The following RASEF variants were observed in gnomAD, a reference collection of about 807,000 sequenced individuals.
The protein encoded by RASEF is RAS and EF-hand domain containing.
In RASEF, 68 loss-of-function variants were observed where a neutral mutation model predicts 90.1. The ratio of observed to expected loss-of-function variants is 0.75; its 90% CI spans 0.62 to 0.92. RASEF has a LOEUF of 0.92. Among genes scored for constraint, RASEF ranks in the 40% least tolerant of loss-of-function variants. The pLI is 0.00. For synonymous variants in RASEF, 331 were observed against 345.2 expected, an observed-to-expected ratio of 0.96 and a Z score of 0.46; for missense variants, 949 against 937.2, an observed-to-expected ratio of 1.01 and a Z score of -0.16.
At chr9:83,216,792 A>G in the RASEF span, among the ~76,000 whole-genome samples, 1 of 152,176 alleles carries the variant, frequency 6.6e-6, no homozygotes, top group East Asian at 2.0e-4. Flanking sequence ...GGATAAATAT[A>G]CCCTTTCCAA....
chr9:83,048,250 A>G (rs1255180972), intron 1 of RASEF: 1 of 985,222 alleles, frequency 1.0e-6, no homozygotes, highest in Non-Finnish European at 1.2e-6. Context: ...ACTACAAAAG[A>G]AAGTTTTGGC....
At chr9:83,080,960 A>G in the RASEF span, among the ~76,000 whole-genome samples, 1 of 152,298 alleles carries the variant, frequency 6.6e-6, no homozygotes, top group South Asian at 2.1e-4. Flanking sequence ...CAATAAATAA[A>G]GCATATTCTT....
At chr9:83,057,289 C>G (rs1287522533) in intron 1 of RASEF, among the ~76,000 whole-genome samples, 1 of 152,146 alleles carries the variant, frequency 6.6e-6, no homozygotes, top group African/African-American at 2.4e-5. Flanking sequence ...CTAGAAAACC[C>G]TAAAGACTCC....
chr9:83,077,985 A>C, the RASEF span, among the ~76,000 whole-genome samples: 2 of 152,204 alleles, frequency 1.3e-5, no homozygotes, highest in Non-Finnish European at 2.9e-5. Flanking sequence ...CTCAGAGTCA[A>C]AAAGGCTTCT....
chr9:83,003,936 C>T (rs990514360), intron 9 of RASEF, among the ~76,000 whole-genome samples: 4 of 152,138 alleles, frequency 2.6e-5, no homozygotes, highest in Non-Finnish European at 4.4e-5. Context: ...TACTAGGTCT[C>T]AAGTAATAAA....
chr9:83,146,309 T>C, the RASEF span, among the ~76,000 whole-genome samples: 7 of 151,976 alleles, frequency 4.6e-5, no homozygotes, highest in African/African-American at 1.7e-4. Context: ...TAAGGGTCCT[T>C]CTAGAACTAA....
chr9:83,048,423 G>A (rs1829971912), intron 1 of RASEF: 1 of 985,318 alleles, frequency 1.0e-6, no homozygotes, highest in South Asian at 4.7e-5. Flanking sequence ...CCTCACTGAT[G>A]TCATCACCTT....
In RASEF at chr9:83,057,866, TATATA is replaced by T. The variant is rs1464900089; in HGVS notation, c.431+4566_431+4570del. Among the ~76,000 whole-genome samples, 7 of 146,898 alleles carry T rather than the reference TATATA, an allele frequency of 4.8e-5. No homozygotes were observed. The East Asian group carries it at 9.8e-4, about 21-fold the overall frequency. On this transcript the variant is annotated intron_variant, in intron 1 of 16. Transcript: ENST00000376447. ...ATATACATATATATATATATATATA[TATATA>T]TTCGTCTTTAAATACCACAAACACA...
the RASEF span, among the ~76,000 whole-genome samples, chr9:83,176,879 T>C: frequency 6.6e-6 from 1 of 152,126 alleles, no homozygotes; most frequent in Non-Finnish European, 1.5e-5. Context: ...CTTGTATGTC[T>C]TGTAAAGAAG....
rs368724218 is a variant in RASEF, at chr9:83,062,977, C to T, written c.-110G>A. On this transcript the variant is annotated 5_prime_UTR_variant, in exon 1 of 17. Transcript: ENST00000376447. ...GCCGGGAGGCCCGGCGAGTTTGGCTCGTCCGGCTGGTTCGGCCACTTGAGG... is the reference window on the plus strand; with the variant it reads ...GCCGGGAGGCCCGGCGAGTTTGGCTTGTCCGGCTGGTTCGGCCACTTGAGG... The T allele has an allele frequency of 8.1e-5, 98 of 1,211,734 alleles. No homozygotes were observed. The East Asian group carries it at 8.5e-4, about 10-fold the overall frequency. 75.1% of individuals were successfully genotyped at this position (1,211,734 alleles called of 1,614,324 possible).
the RASEF span, among the ~76,000 whole-genome samples, chr9:83,070,657 A>G: frequency 6.6e-6 from 1 of 152,114 alleles, no homozygotes; most frequent in Non-Finnish European, 1.5e-5. Context: ...CAGTTTGTCA[A>G]TTTACACAAA....
At chr9:83,204,104 T>C in the RASEF span, among the ~76,000 whole-genome samples, 4 of 152,066 alleles carry the variant, frequency 2.6e-5, no homozygotes, top group African/African-American at 7.2e-5. Context: ...TGAAGATGAA[T>C]AGCTGTATTC....
At chr9:83,198,295 A>G in the RASEF span, among the ~76,000 whole-genome samples, 147 of 152,276 alleles carry the variant, frequency 9.7e-4, 1 homozygote, top group Non-Finnish European at 1.7e-3. Flanking sequence ...CCTACCATAC[A>G]ATTTAGGTAA....
At chr9:83,184,442 G>A in the RASEF span, among the ~76,000 whole-genome samples, 3 of 152,122 alleles carry the variant, frequency 2.0e-5, no homozygotes, top group Non-Finnish European at 2.9e-5. Flanking sequence ...TGGAGGGCGT[G>A]CTGCTCTGTG....
chr9:83,169,898 G>A, the RASEF span, among the ~76,000 whole-genome samples: 1 of 151,754 alleles, frequency 6.6e-6, no homozygotes, highest in Non-Finnish European at 1.5e-5. Flanking sequence ...TTTGTTGATT[G>A]TTTCCTTTGT....
At chr9:83,074,645 G>T in the RASEF span, among the ~76,000 whole-genome samples, 2 of 152,148 alleles carry the variant, frequency 1.3e-5, no homozygotes, top group Non-Finnish European at 2.9e-5. Context: ...CTGTAACATG[G>T]TCTCACTCAT....
chr9:83,068,683 T>A, the RASEF span, among the ~76,000 whole-genome samples: 9 of 152,352 alleles, frequency 5.9e-5, no homozygotes, highest in Non-Finnish European at 1.0e-4. Context: ...AGTTCAGCTG[T>A]TCCTGGACTT....
At chr9:83,079,551 G>A in the RASEF span, among the ~76,000 whole-genome samples, 254 of 152,192 alleles carry the variant, frequency 1.7e-3, 2 homozygotes, top group African/African-American at 5.4e-3. Context: ...TGAGGAATCC[G>A]CCTCCATGAC....
Position 83,062,010 on chromosome 9 carries a change from A to G in RASEF, c.431+427T>C, listed in dbSNP as rs138502261. Among the ~76,000 whole-genome samples the G allele has an allele frequency of 6.0e-3, 907 of 152,372 alleles. 11 individuals are homozygous for G. Among genetic ancestry groups the G allele is most frequent in the African/African-American group, 0.02 (838 of 41,596 alleles). ...TTTCTATAGTCTTAGGAAAACGACA[A>G]ATCAGAAAACTATTACAGAGGACGC... On this transcript the variant is annotated intron_variant, in intron 1 of 16. Transcript: ENST00000376447.
Sources: gnomAD v4.1 joint callset for allele counts (sites outside exome capture counted in the v4.1 genomes callset) on GRCh38, gnomAD v4.1.1 for gene constraint, MANE v1.5 for transcripts, NCBI Gene and HGNC (gene_info 2026-07-23, HGNC 2026-07-21) for gene names.